ME2: variants seen among roughly 807,000 people sequenced by gnomAD.
ME2 encodes malic enzyme 2, also known as NAD-dependent malic enzyme, mitochondrial.
ME2 carries 60 observed loss-of-function variants against 73.7 expected under a neutral mutation model. The observed-to-expected ratio is 0.81, with a 90% CI of 0.66 to 1.01. The LOEUF is 1.01. ME2 is among the 50% of genes least tolerant of loss of function. The pLI, the probability that ME2 is intolerant of heterozygous loss-of-function variation, is 0.00. For missense variants in ME2, 594 were observed against 705.5 expected, an observed-to-expected ratio of 0.84 and a Z score of 1.79; for synonymous variants, 199 against 236.9, an observed-to-expected ratio of 0.84 and a Z score of 1.47.
At chr18:50,921,398 A>G (rs966103524) in intron 10 of ME2, among the ~76,000 whole-genome samples, 1 of 151,768 alleles carries the variant, frequency 6.6e-6, no homozygotes, top group African/African-American at 2.4e-5. Flanking sequence ...CTATGTTGGC[A>G]TCAGACTTAC....
intron 15 of ME2, among the ~76,000 whole-genome samples, chr18:50,942,344 A>G (rs1287216016): frequency 6.6e-6 from 1 of 152,162 alleles, no homozygotes; most frequent in Non-Finnish European, 1.5e-5. Flanking sequence ...ACTGTTTTAA[A>G]TTTTATAATG....
At chr18:50,920,921 A>C (rs535501586) in intron 9 of ME2, among the ~76,000 whole-genome samples, 153 bp from the exon 10 acceptor site, 1 of 152,358 alleles carries the variant, frequency 6.6e-6, no homozygotes, top group South Asian at 2.1e-4. Flanking sequence ...AATTTAAAAT[A>C]TGTTTCGAGA....
intron 12 of ME2, among the ~76,000 whole-genome samples, chr18:50,931,361 C>CA (rs1917685102): frequency 1.3e-5 from 2 of 152,090 alleles, no homozygotes; most frequent in African/African-American, 2.4e-5. Context: ...TATGGAGTTA[C>CA]AAAAAAATCT....
intron 12 of ME2, among the ~76,000 whole-genome samples, chr18:50,927,680 T>A (rs1343786348): frequency 7.5e-6 from 1 of 132,474 alleles, no homozygotes; most frequent in Non-Finnish European, 1.5e-5. Context: ...CCAGCCTGGG[T>A]GACAGAGCAA....
chr18:50,925,008 C>T (rs574219957), intron 11 of ME2, among the ~76,000 whole-genome samples: 3 of 152,166 alleles, frequency 2.0e-5, no homozygotes, highest in African/African-American at 4.8e-5. Context: ...TCCCCACCCC[C>T]TAACAACCAC....
At chr18:50,911,397 T>A (rs954302834) in intron 3 of ME2, among the ~76,000 whole-genome samples, 19 of 152,216 alleles carry the variant, frequency 1.2e-4, no homozygotes, top group Admixed American at 4.6e-4. Flanking sequence ...ATGCCACATA[T>A]TGCTATTAAT....
intron 15 of ME2, among the ~76,000 whole-genome samples, chr18:50,945,862 T>C (rs1918069508): frequency 6.6e-6 from 1 of 151,736 alleles, no homozygotes; most frequent in Admixed American, 6.6e-5. Flanking sequence ...CGGTCAAGAG[T>C]TCAGGAGCAG....
At chr18:50,886,974 C>G (rs1916488376) in intron 1 of ME2, among the ~76,000 whole-genome samples, 1 of 152,028 alleles carries the variant, frequency 6.6e-6, no homozygotes, top group South Asian at 2.1e-4. Context: ...GCACTCCAGC[C>G]TGTGTGACGG....
chr18:50,947,159 C>G lies in ME2; in HGVS notation c.1730C>G (p.Ser577Ter). The change falls in exon 16 of 16, where the codon TCA (serine) becomes TGA (stop). Residue 577 changes from serine to a stop codon, truncating the protein, a stop_gained. Transcript: ENST00000321341. LOFTEE classifies it high-confidence loss of function. ...PDVYEWPESASSPPVITE is the reference protein window; with the variant it reads ...PDVYEWPESA ...GTGTATGAATGGCCAGAATCTGCATCAAGCCCTCCTGTGATAACAGAATAG... is the reference window on the plus strand; with the variant it reads ...GTGTATGAATGGCCAGAATCTGCATGAAGCCCTCCTGTGATAACAGAATAG... The G allele has an allele frequency of 6.2e-7, 1 of 1,613,390 alleles. No homozygotes were observed. The highest frequency in any genetic ancestry group is 8.5e-7 in the Non-Finnish European group (1 of 1,179,996).
chr18:50,896,615 A>C (rs642698), intron 2 of ME2, among the ~76,000 whole-genome samples: 104,902 of 151,984 alleles, frequency 0.69, 36,733 homozygotes, highest in African/African-American at 0.81. Context: ...TTACAAGAAG[A>C]TTGCAAGAGG....
chr18:50,916,183 G>A lies in ME2; in HGVS notation c.408G>A (p.Ser136=), dbSNP rs771975088. ...TCTGTTGCAGGGGATTATTTATTTC[G>A]ATCTCAGACAGAGGTCATGTTAGAT... ...IFRRPKGLFI[S]ISDRGHVRSI... is the part of the protein sequence containing the mutation. Residue 136 remains serine (S), a synonymous_variant, in exon 5 of 16, where the codon TCG becomes TCA. Coordinates refer to ENST00000321341, the MANE Select transcript of ME2 (RefSeq NM_002396.5). 1.9e-6 allele frequency: 3 copies of A among 1,610,022 alleles called. No homozygotes were observed. Among genetic ancestry groups the A allele is most frequent in the South Asian group, 2.2e-5 (2 of 90,320 alleles).
chr18:50,913,120 A>G (rs1180526305), intron 4 of ME2, 170 bp downstream of exon 4: 3 of 478,732 alleles, frequency 6.3e-6, no homozygotes, highest in Non-Finnish European at 1.1e-5. Flanking sequence ...CATATTCATA[A>G]CTTTTATCTT....
Position 50,895,947 on chromosome 18 carries a change from A to C in ME2, c.108+19A>C. 1.4e-6 allele frequency: 2 copies of C among 1,470,626 alleles called. No homozygotes were observed. The highest frequency in any genetic ancestry group is 1.9e-6 in the Non-Finnish European group (2 of 1,050,896). 91.1% of individuals were successfully genotyped at this position (1,470,626 alleles called of 1,614,324 possible). On this transcript the variant is annotated intron_variant, in intron 2 of 15. Transcript: ENST00000321341. ...AAACAAGGTTAGTAACATTAATATC[A>C]ATGTACATTTTCTCTCTTCTTATTA...
chr18:50,903,332 T>A (rs913642357), intron 2 of ME2, among the ~76,000 whole-genome samples: 20 of 152,260 alleles, frequency 1.3e-4, no homozygotes. Flanking sequence ...TTAATCATTT[T>A]ATTTTTTACT....
chr18:50,927,877 CA>C (rs1917598454), intron 12 of ME2, among the ~76,000 whole-genome samples: 1 of 140,920 alleles, frequency 7.1e-6, no homozygotes, highest in South Asian at 2.3e-4. Flanking sequence ...TGTAGTGGCA[CA>C]GTCATAGCTC....
chr18:50,888,168 T>A (rs1425579854), intron 1 of ME2, among the ~76,000 whole-genome samples: 2 of 151,896 alleles, frequency 1.3e-5, no homozygotes, highest in Non-Finnish European at 2.9e-5. Flanking sequence ...ATGGTGAAAC[T>A]CTTTCTCTAC....
chr18:50,883,871 A>G (rs1248058778), intron 1 of ME2, among the ~76,000 whole-genome samples: 1 of 152,096 alleles, frequency 6.6e-6, no homozygotes, highest in African/African-American at 2.4e-5. Context: ...TAAAAAACAA[A>G]AAAAGAAACT....
chr18:50,921,042 G>T (rs768798039), intron 9 of ME2, 32 bp from the exon 10 acceptor site: 1 of 1,074,186 alleles, frequency 9.3e-7, no homozygotes, highest in Non-Finnish European at 1.4e-6. Context: ...TCGTACTCTA[G>T]TATATATTAA....
At chr18:50,937,532 T>G (rs1917845497) in intron 13 of ME2, among the ~76,000 whole-genome samples, 1 of 151,994 alleles carries the variant, frequency 6.6e-6, no homozygotes. Flanking sequence ...AGTCTCTTTA[T>G]TAAAGATTTT....
Sources: gnomAD v4.1 joint callset for allele counts (sites outside exome capture counted in the v4.1 genomes callset) on GRCh38, gnomAD v4.1.1 for gene constraint, MANE v1.5 for transcripts, NCBI Gene and HGNC (gene_info 2026-07-23, HGNC 2026-07-21) for gene names.